AGAP1: variants seen among roughly 807,000 people sequenced by gnomAD.
The protein encoded by AGAP1 is ArfGAP with GTPase domain, ankyrin repeat and PH domain 1.
A neutral mutation model predicts 105.3 loss-of-function variants in AGAP1; 29 were observed. That is an observed-to-expected ratio of 0.28 (90% CI 0.21 to 0.38). AGAP1 has a LOEUF of 0.38. Among genes scored for constraint, AGAP1 ranks in the 10% least tolerant of loss-of-function variants. The pLI is 1.00. For missense variants in AGAP1, 998 were observed against 1,165.1 expected, an observed-to-expected ratio of 0.86 and a Z score of 2.09; for synonymous variants, 509 against 485.9, an observed-to-expected ratio of 1.05 and a Z score of -0.63.
chr2:235,566,245 C>T lies in AGAP1; in HGVS notation c.163+71396C>T, dbSNP rs1476179204. 6.6e-6 allele frequency among the ~76,000 whole-genome samples: 1 copy of T among 152,144 alleles called. No individual in the cohort carries two copies. Among genetic ancestry groups the T allele is most frequent in the East Asian group, 1.9e-4 (1 of 5,192 alleles). ...TAGCTGGGATTACAGGCATGCGCCA[C>T]CACGCCTGGCTAATTTTGTATTTTT... On this transcript the variant is annotated intron_variant, in intron 1 of 17. Transcript: ENST00000304032. This position sits in a 1 kb window ranked among gnomAD's most constrained non-coding sequence, Gnocchi z 5.2.
chr2:235,620,482 A>T lies in AGAP1; in HGVS notation c.164-88697A>T, dbSNP rs893599318. 1.3e-5 allele frequency among the ~76,000 whole-genome samples: 2 copies of T among 151,982 alleles called. No individual in the cohort carries two copies. The highest frequency in any genetic ancestry group is 4.1e-4 in the South Asian group (2 of 4,828). On this transcript the variant is annotated intron_variant, in intron 1 of 17. Transcript: ENST00000304032. The surrounding 1 kb of genome is among the most constrained non-coding windows in gnomAD (Gnocchi z 4.5). ...AACCAAATGCATGCTCCTGACCCTT[A>T]CATGTCTGCACTGCTTCCTCTTTTT...
intron 6 of AGAP1, among the ~76,000 whole-genome samples, chr2:235,756,074 C>T (rs909645384): frequency 1.3e-5 from 2 of 152,166 alleles, no homozygotes; most frequent in Admixed American, 6.5e-5. Flanking sequence ...GAGTGGAGAG[C>T]GGGCTCTGCC....
chr2:236,041,183 G>A (rs1345718498), intron 15 of AGAP1, among the ~76,000 whole-genome samples: 3 of 151,994 alleles, frequency 2.0e-5, no homozygotes, highest in Non-Finnish European at 4.4e-5. Context: ...GCAACACAGG[G>A]AGAACCCGTC....
rs1304292834 is a variant in AGAP1, at chr2:235,665,995, G to GAGT, written c.164-43183_164-43181dup. The stretch of plus-strand genomic sequence containing the variant: ...TAGCTAGAAATGACCCGGGACAGAG[G>GAGT]AGTCGTGAGACGGTGGCCAAAGCAT... On this transcript the variant is annotated intron_variant, in intron 1 of 17. Transcript: ENST00000304032. The surrounding 1 kb of genome is among the most constrained non-coding windows in gnomAD (Gnocchi z 5.3). 4.6e-5 allele frequency among the ~76,000 whole-genome samples: 7 copies of GAGT among 152,196 alleles called. No homozygotes were observed. Among genetic ancestry groups the GAGT allele is most frequent in the Non-Finnish European group, 8.8e-5 (6 of 68,032 alleles).
At chr2:236,094,727 A>G (rs576692368) in intron 16 of AGAP1, among the ~76,000 whole-genome samples, 23 of 152,166 alleles carry the variant, frequency 1.5e-4, no homozygotes, top group Admixed American at 3.3e-4. Flanking sequence ...TGTGGACTGT[A>G]TGTAAGTGCA....
intron 11 of AGAP1, among the ~76,000 whole-genome samples, chr2:235,923,617 G>C (rs1202250796): frequency 6.7e-6 from 1 of 149,416 alleles, no homozygotes; most frequent in Non-Finnish European, 1.5e-5. Flanking sequence ...TGGCACTCTC[G>C]TGCTTGTCTC....
At chr2:235,839,905 C>T (rs978532586) in intron 9 of AGAP1, among the ~76,000 whole-genome samples, 2 of 152,124 alleles carry the variant, frequency 1.3e-5, no homozygotes, top group East Asian at 1.9e-4. Context: ...ATGAGAGACT[C>T]TTATAAAGAA....
intron 11 of AGAP1, among the ~76,000 whole-genome samples, chr2:235,909,925 G>A (rs909498281): frequency 2.0e-5 from 3 of 152,110 alleles, no homozygotes; most frequent in Admixed American, 6.5e-5. Flanking sequence ...GGAGGCTGAG[G>A]CAGGAGAATC....
At chr2:235,547,384 A>C (rs535811191) in intron 1 of AGAP1, among the ~76,000 whole-genome samples, 17 of 131,780 alleles carry the variant, frequency 1.3e-4, no homozygotes, top group Non-Finnish European at 2.0e-4. Flanking sequence ...TCTGAGATGG[A>C]GTCTCGCTCT....
intron 12 of AGAP1, among the ~76,000 whole-genome samples, chr2:235,952,002 T>C (rs1431045276): frequency 6.6e-6 from 1 of 152,236 alleles, no homozygotes; most frequent in African/African-American, 2.4e-5. Flanking sequence ...TATTTTTAAA[T>C]ACAGTTGTTT....
In AGAP1 at chr2:236,044,805, G is replaced by C. The variant is rs993474284; in HGVS notation, c.1891+3964G>C. Among the ~76,000 whole-genome samples the C allele has an allele frequency of 1.3e-5, 2 of 151,792 alleles. No homozygotes were observed. Among genetic ancestry groups the C allele is most frequent in the African/African-American group, 2.4e-5 (1 of 41,272 alleles). On this transcript the variant is annotated intron_variant, in intron 15 of 17. Transcript: ENST00000304032. The surrounding 1 kb of genome is among the most constrained non-coding windows in gnomAD (Gnocchi z 5.7). ...CACACACACATCCCTACTCCCTGCT[G>C]TTCTGCCCTGGGGGCTTCCTGGCTC...
In AGAP1 at chr2:236,082,569, A is replaced by T. The variant is rs555029332; in HGVS notation, c.2114+33288A>T. Among the ~76,000 whole-genome samples, 3 of 152,330 alleles carry T rather than the reference A, an allele frequency of 2.0e-5. No individual in the cohort carries two copies. The East Asian group carries it at 5.8e-4, about 29-fold the overall frequency. ...CCTGCAGTGGTGATTGGTTTACAAA[A>T]TTCACCTAGTTAAAGAAAAGAGGGC... On this transcript the variant is annotated intron_variant, in intron 16 of 17. Transcript: ENST00000304032. This position sits in a 1 kb window ranked among gnomAD's most constrained non-coding sequence, Gnocchi z 4.2.
In AGAP1 at chr2:235,793,656, A is replaced by G. The variant is rs58078678; in HGVS notation, c.674-4103A>G. On this transcript the variant is annotated intron_variant, in intron 6 of 17. Transcript: ENST00000304032. The surrounding 1 kb of genome is among the most constrained non-coding windows in gnomAD (Gnocchi z 5.3). ...CCCTGCTCAGCCTTTGAGCAGCAAA[A>G]AGGAGGAAGGGGGAGGAGGAGGAGC... is the stretch of plus-strand genomic sequence containing the variant. Among the ~76,000 whole-genome samples the G allele has an allele frequency of 0.041, 6,215 of 152,178 alleles. 421 individuals are homozygous for G. The highest frequency in any genetic ancestry group is 0.14 in the African/African-American group (5,778 of 41,488).
chr2:235,903,745 T>C (rs1316161145), intron 10 of AGAP1, among the ~76,000 whole-genome samples: 1 of 152,284 alleles, frequency 6.6e-6, no homozygotes, highest in East Asian at 1.9e-4. Context: ...AATTCTTGTA[T>C]ATTTTTTAGT....
In AGAP1 at chr2:235,728,883, T is replaced by G. The variant is rs900105606; in HGVS notation, c.310+11239T>G. Among the ~76,000 whole-genome samples, 1 of 152,110 alleles carries G rather than the reference T, an allele frequency of 6.6e-6. No homozygotes were observed. The highest frequency in any genetic ancestry group is 1.5e-5 in the Non-Finnish European group (1 of 68,012). ...TTAGGTTGGATGAAGAAGGGAGGTT[T>G]GGAGCCTGGACGAGAGCAGGGGTTG... is the stretch of plus-strand genomic sequence containing the variant. On this transcript the variant is annotated intron_variant, in intron 3 of 17. Transcript: ENST00000304032. This position sits in a 1 kb window ranked among gnomAD's most constrained non-coding sequence, Gnocchi z 4.3.
At chr2:235,822,139 G>A (rs949014450) in intron 9 of AGAP1, among the ~76,000 whole-genome samples, 5 of 152,182 alleles carry the variant, frequency 3.3e-5, no homozygotes, top group East Asian at 1.9e-4. Flanking sequence ...GAATGTCTTC[G>A]GGGAGATACT....
intron 2 of AGAP1, among the ~76,000 whole-genome samples, chr2:235,715,057 A>G (rs973936442): frequency 3.9e-5 from 6 of 152,044 alleles, no homozygotes; most frequent in Non-Finnish European, 5.9e-5. Flanking sequence ...TCGGCCCCCC[A>G]AAGTGCCGGG....
At chr2:235,985,471 A>G (rs2055273839) in intron 13 of AGAP1, among the ~76,000 whole-genome samples, 1 of 151,974 alleles carries the variant, frequency 6.6e-6, no homozygotes, top group African/African-American at 2.4e-5. Flanking sequence ...CCATTTGTCA[A>G]TTTTGGCTTT....
At chr2:235,924,017 G>A (rs548737765) in intron 11 of AGAP1, among the ~76,000 whole-genome samples, 2 of 152,268 alleles carry the variant, frequency 1.3e-5, no homozygotes, top group South Asian at 4.1e-4. Context: ...ACGTAAGCAA[G>A]CCTGTCCAAA....
Sources: allele counts gnomAD v4.1 joint callset (sites outside exome capture counted in the v4.1 genomes callset), GRCh38; gene constraint gnomAD v4.1.1; non-coding constraint Gnocchi (gnomAD v3.1); transcripts MANE v1.5; gene names NCBI Gene and HGNC (gene_info 2026-07-23, HGNC 2026-07-21).